Variants in FRMD4B observed in about 807,000 individuals in gnomAD.
The protein encoded by FRMD4B is FERM domain-containing protein 4B.
FRMD4B carries 74 observed loss-of-function variants against 141.5 expected under a neutral mutation model. The ratio of observed to expected loss-of-function variants is 0.52; its 90% CI spans 0.43 to 0.63. The LOEUF (loss-of-function observed/expected upper bound fraction) is 0.63, where lower values mean the gene tolerates loss of function less well. Among genes scored for constraint, FRMD4B ranks in the 30% least tolerant of loss-of-function variants. The pLI is 0.00. For missense variants in FRMD4B, 1,366 were observed against 1,253.4 expected (o/e 1.09, Z -1.36); for synonymous variants, 506 against 467.9 (o/e 1.08, Z -1.05).
intron 1 of FRMD4B, among the ~76,000 whole-genome samples, chr3:69,523,509 T>C (rs1053298059): frequency 4.6e-5 from 7 of 152,092 alleles, no homozygotes; most frequent in African/African-American, 1.7e-4. Flanking sequence ...GGTTTCAAAG[T>C]AGCAAATTGG....
At chr3:69,284,347 A>G (rs1173751925) in intron 5 of FRMD4B, among the ~76,000 whole-genome samples, 3 of 152,162 alleles carry the variant, frequency 2.0e-5, no homozygotes, top group Non-Finnish European at 2.9e-5. Context: ...GACCATCTGA[A>G]AGGATAAGAG....
At chr3:69,217,179 T>C (rs918703142) in intron 10 of FRMD4B, among the ~76,000 whole-genome samples, 2 of 152,200 alleles carry the variant, frequency 1.3e-5, no homozygotes, top group Non-Finnish European at 2.9e-5. Flanking sequence ...GAATAATTGG[T>C]TTGAGGTACA....
chr3:69,391,403 C>G (rs1704380073), intron 2 of FRMD4B, among the ~76,000 whole-genome samples: 1 of 121,736 alleles, frequency 8.2e-6, no homozygotes, highest in Non-Finnish European at 1.7e-5. Flanking sequence ...CTCCCCTCCC[C>G]CCACCCCACG....
chr3:69,442,970 C>T (rs1195117414), intron 1 of FRMD4B, among the ~76,000 whole-genome samples: 1 of 152,162 alleles, frequency 6.6e-6, no homozygotes, highest in Non-Finnish European at 1.5e-5. Flanking sequence ...CTTGTAACTT[C>T]GGAGTGATTG....
At chr3:69,274,612 C>T (rs1475853100) in intron 5 of FRMD4B, among the ~76,000 whole-genome samples, 1 of 152,056 alleles carries the variant, frequency 6.6e-6, no homozygotes, top group Non-Finnish European at 1.5e-5. Context: ...TCTGCTTCCC[C>T]AGTTCAAGCA....
chr3:69,527,811 A>C (rs1327814341), intron 1 of FRMD4B, among the ~76,000 whole-genome samples: 2 of 152,184 alleles, frequency 1.3e-5, no homozygotes, highest in Non-Finnish European at 2.9e-5. Context: ...TTTGATTCTC[A>C]AGTCTTCTTT....
chr3:69,393,739 T>C (rs554238009), intron 2 of FRMD4B, among the ~76,000 whole-genome samples: 2 of 152,296 alleles, frequency 1.3e-5, no homozygotes, highest in East Asian at 3.9e-4. Context: ...CATAAATTGG[T>C]CTATATAGCA....
At chr3:69,351,263 A>G (rs1437220643) in intron 1 of FRMD4B, among the ~76,000 whole-genome samples, 1 of 152,198 alleles carries the variant, frequency 6.6e-6, no homozygotes, top group Non-Finnish European at 1.5e-5. Context: ...AATTTTTTCT[A>G]GTTTTCCAAC....
chr3:69,276,385 A>G (rs1235792594), intron 5 of FRMD4B, among the ~76,000 whole-genome samples: 1 of 151,942 alleles, frequency 6.6e-6, no homozygotes, highest in East Asian at 1.9e-4. Flanking sequence ...TGATCCGCCC[A>G]CCTCAGCCTC....
chr3:69,340,165 T>C, intron 1 of FRMD4B, among the ~76,000 whole-genome samples: 1 of 151,606 alleles, frequency 6.6e-6, no homozygotes, highest in South Asian at 2.1e-4. Context: ...TTTCTTTTCT[T>C]TTTTTTTAAA....
intron 14 of FRMD4B, 92 bp from the exon 15 acceptor site, chr3:69,195,456 T>A: frequency 2.1e-6 from 2 of 954,630 alleles, no homozygotes; most frequent in South Asian, 2.0e-5. Flanking sequence ...AAGCTGCTAT[T>A]AAATGGTAGT....
At chr3:69,219,499 G>A (rs1439455338) in intron 9 of FRMD4B, among the ~76,000 whole-genome samples, 4 of 152,226 alleles carry the variant, frequency 2.6e-5, no homozygotes, top group East Asian at 1.9e-4. Context: ...AACAAAATGA[G>A]TCAGACTCCA....
At chr3:69,451,588 G>T (rs980900505) in intron 1 of FRMD4B, among the ~76,000 whole-genome samples, 1 of 152,182 alleles carries the variant, frequency 6.6e-6, no homozygotes, top group African/African-American at 2.4e-5. Context: ...CACAAGTGCA[G>T]AGACAGAACA....
Position 69,195,044 on chromosome 3 carries a change from T to C in FRMD4B, c.1466A>G (p.Asp489Gly). Residue 489 changes from aspartate to glycine, a missense_variant, in exon 16 of 23, where the codon GAC becomes GGC. By Grantham distance (94) the Asp-to-Gly change is moderately conservative (BLOSUM62 -1). Coordinates refer to ENST00000398540, the MANE Select transcript of FRMD4B (RefSeq NM_015123.3). ...TACTTCTTCACTCGGCAGCAAGTTG[T>C]CATCTAATTTGAACGCAGTACCCAC... ...RRVGTAFKLD[D>G]NLLPSEEDPA... 1.9e-6 allele frequency: 3 copies of C among 1,613,872 alleles called. No individual in the cohort carries two copies. Among genetic ancestry groups the C allele is most frequent in the East Asian group, 4.5e-5 (2 of 44,888 alleles).
At chr3:69,399,551 T>C (rs952744797) in intron 2 of FRMD4B, among the ~76,000 whole-genome samples, 4 of 152,236 alleles carry the variant, frequency 2.6e-5, no homozygotes, top group Non-Finnish European at 5.9e-5. Flanking sequence ...TGCATAACTT[T>C]TGTCTGTGTT....
chr3:69,194,668 G>A (rs1248454373), intron 16 of FRMD4B, among the ~76,000 whole-genome samples: 1 of 152,162 alleles, frequency 6.6e-6, no homozygotes, highest in Non-Finnish European at 1.5e-5. Context: ...GAGGAAAACT[G>A]AGGCCTGAGA....
At chr3:69,216,552 T>C (rs986957668) in intron 10 of FRMD4B, among the ~76,000 whole-genome samples, 1 of 149,068 alleles carries the variant, frequency 6.7e-6, no homozygotes, top group Non-Finnish European at 1.5e-5. Flanking sequence ...TGCCTCAGCC[T>C]CCCTAGCAGC....
At chr3:69,444,760 C>T (rs899373011) in intron 1 of FRMD4B, among the ~76,000 whole-genome samples, 20 of 152,136 alleles carry the variant, frequency 1.3e-4, no homozygotes, top group African/African-American at 4.6e-4. Context: ...TACTCATCTC[C>T]ACGAACATAA....
At chr3:69,452,736 AT>A (rs1261896860) in intron 1 of FRMD4B, among the ~76,000 whole-genome samples, 1 of 152,234 alleles carries the variant, frequency 6.6e-6, no homozygotes, top group Admixed American at 6.5e-5. Flanking sequence ...AAAGAAGCAC[AT>A]TTCATGTGGC....
Sources: gnomAD v4.1 joint callset for allele counts (sites outside exome capture counted in the v4.1 genomes callset) on GRCh38, gnomAD v4.1.1 for gene constraint, MANE v1.5 for transcripts, NCBI Gene and HGNC (gene_info 2026-07-23, HGNC 2026-07-21) for gene names.